Variants in CADM2 observed in about 807,000 individuals in gnomAD.
CADM2 encodes immunoglobulin superfamily member 4D.
Under a neutral mutation model 49.8 loss-of-function variants are expected in CADM2, and 12 were observed. The observed-to-expected ratio is 0.24, with a 90% CI of 0.15 to 0.39. CADM2 has a LOEUF of 0.39. Among genes scored for constraint, CADM2 ranks in the 10% least tolerant of loss-of-function variants. CADM2 has a pLI of 1.00. For synonymous variants in CADM2, 214 were observed against 175.4 expected (o/e 1.22, Z -1.74); for missense variants, 378 against 492.3 (o/e 0.77, Z 2.20).
chr3:86,000,245 T>A (rs1730007357), intron 8 of CADM2, among the ~76,000 whole-genome samples: 1 of 152,144 alleles, frequency 6.6e-6, no homozygotes, highest in South Asian at 2.1e-4. Context: ...GATTGTTTTC[T>A]AAAAAGGATA....
At chr3:85,663,251 A>C (rs929144725) in intron 1 of CADM2, among the ~76,000 whole-genome samples, 17 of 152,004 alleles carry the variant, frequency 1.1e-4, no homozygotes, top group Admixed American at 1.1e-3. Context: ...ACTCCCTTGA[A>C]GTGAAATAAA....
intron 1 of CADM2, among the ~76,000 whole-genome samples, chr3:85,064,174 T>C (rs903334034): frequency 1.3e-5 from 2 of 152,128 alleles, no homozygotes; most frequent in South Asian, 4.1e-4. Context: ...TCAATTGTTA[T>C]ACATTGTTTC....
At chr3:85,450,717 A>G (rs1486074883) in intron 1 of CADM2, among the ~76,000 whole-genome samples, 3 of 152,014 alleles carry the variant, frequency 2.0e-5, no homozygotes, top group Non-Finnish European at 2.9e-5. Context: ...TAAGAAAATC[A>G]TGTTTTATAA....
chr3:85,845,153 C>T (rs79247928), intron 3 of CADM2, among the ~76,000 whole-genome samples: 7,142 of 80,632 alleles, frequency 0.089, 470 homozygotes, highest in African/African-American at 0.27. Flanking sequence ...GAGACTTAGT[C>T]ACAAAAAAAA....
intron 1 of CADM2, among the ~76,000 whole-genome samples, chr3:85,202,087 A>G (rs1229651872): frequency 3.3e-5 from 5 of 151,412 alleles, no homozygotes; most frequent in Non-Finnish European, 5.9e-5. Flanking sequence ...TGAAAAAAAA[A>G]AAAAAAAAAA....
intron 1 of CADM2, among the ~76,000 whole-genome samples, chr3:85,310,817 T>C (rs2044323723): frequency 6.6e-6 from 1 of 152,150 alleles, no homozygotes; most frequent in Non-Finnish European, 1.5e-5. Flanking sequence ...CAGAGGCTAT[T>C]CTCTCCAACC....
chr3:85,388,610 A>T (rs889526902), intron 1 of CADM2, among the ~76,000 whole-genome samples: 1 of 152,168 alleles, frequency 6.6e-6, no homozygotes, highest in Non-Finnish European at 1.5e-5. Context: ...AACCAAGGGA[A>T]GCAGTGCAAT....
intron 3 of CADM2, among the ~76,000 whole-genome samples, chr3:85,856,797 TA>T (rs1350263774): frequency 6.6e-6 from 1 of 152,074 alleles, no homozygotes; most frequent in African/African-American, 2.4e-5. Context: ...AAAACTTGCC[TA>T]AAAATCACAT....
At chr3:85,495,611 G>T (rs115779029) in intron 1 of CADM2, among the ~76,000 whole-genome samples, 265 of 152,134 alleles carry the variant, frequency 1.7e-3, no homozygotes, top group African/African-American at 5.9e-3. Flanking sequence ...CCAAATACAT[G>T]ATTATAGGCC....
intron 1 of CADM2, among the ~76,000 whole-genome samples, chr3:85,169,151 T>C (rs2040553311): frequency 6.6e-6 from 1 of 151,836 alleles, no homozygotes; most frequent in Non-Finnish European, 1.5e-5. Context: ...TTTGTTTTGT[T>C]TTGTTTTTGT....
At chr3:85,074,112 G>A (rs887220823) in intron 1 of CADM2, among the ~76,000 whole-genome samples, 3 of 152,140 alleles carry the variant, frequency 2.0e-5, no homozygotes, top group Non-Finnish European at 4.4e-5. Flanking sequence ...ATTTACCAGA[G>A]CTCCCGTTAC....
At chr3:85,048,237 C>T (rs1051875804) in intron 1 of CADM2, among the ~76,000 whole-genome samples, 1 of 152,026 alleles carries the variant, frequency 6.6e-6, no homozygotes, top group African/African-American at 2.4e-5. Flanking sequence ...GTAATAGGCA[C>T]ATTTTGACAT....
chr3:85,939,985 A>G (rs1302374743), intron 7 of CADM2, among the ~76,000 whole-genome samples: 1 of 144,438 alleles, frequency 6.9e-6, no homozygotes, highest in African/African-American at 2.6e-5. Context: ...ATATTAATGT[A>G]TTTTTCTATT....
intron 7 of CADM2, among the ~76,000 whole-genome samples, chr3:85,950,896 G>A (rs562562204): frequency 4.6e-5 from 7 of 151,050 alleles, no homozygotes; most frequent in Admixed American, 2.0e-4. Flanking sequence ...TAGAATCAGC[G>A]TTTCAATTTA....
chr3:85,547,559 C>G (rs2061697779), intron 1 of CADM2, among the ~76,000 whole-genome samples: 1 of 152,146 alleles, frequency 6.6e-6, no homozygotes, highest in South Asian at 2.1e-4. Flanking sequence ...AACTACCCCA[C>G]TCCGTGTCTT....
chr3:85,712,929 T>C (rs937223278), intron 1 of CADM2, among the ~76,000 whole-genome samples: 1 of 152,222 alleles, frequency 6.6e-6, no homozygotes, highest in African/African-American at 2.4e-5. Flanking sequence ...TTGTATGTTT[T>C]GAAATAGAGT....
At chr3:85,321,137 T>C (rs1211907637) in intron 1 of CADM2, among the ~76,000 whole-genome samples, 1 of 34,224 alleles carries the variant, frequency 2.9e-5, no homozygotes. Context: ...TTTTTTTTTT[T>C]TTTTTTTTTT....
intron 1 of CADM2, among the ~76,000 whole-genome samples, chr3:85,030,377 C>G (rs1460143717): frequency 6.6e-6 from 1 of 152,182 alleles, no homozygotes; most frequent in Non-Finnish European, 1.5e-5. Flanking sequence ...TGGATCCTGA[C>G]ATCATTTGTA....
At chr3:85,037,945 A>G (rs562634303) in intron 1 of CADM2, among the ~76,000 whole-genome samples, 2 of 152,088 alleles carry the variant, frequency 1.3e-5, no homozygotes, top group Non-Finnish European at 2.9e-5. Context: ...TACCAGGCTA[A>G]TATTAGCCTC....
Sources: allele counts gnomAD v4.1 joint callset (sites outside exome capture counted in the v4.1 genomes callset), GRCh38; gene constraint gnomAD v4.1.1; transcripts MANE v1.5; gene names NCBI Gene and HGNC (gene_info 2026-07-23, HGNC 2026-07-21).